DLD: variants seen among roughly 807,000 people sequenced by gnomAD.
DLD encodes the protein dihydrolipoyl dehydrogenase, mitochondrial.
Under a neutral mutation model 62.2 loss-of-function variants are expected in DLD, and 36 were observed. That is an observed-to-expected ratio of 0.58 (90% CI 0.44 to 0.76). The LOEUF is 0.76. DLD is among the 30% of genes least tolerant of loss of function. The pLI, the probability that DLD is intolerant of heterozygous loss-of-function variation, is 0.00. For synonymous variants in DLD, 204 were observed against 199.6 expected (o/e 1.02, Z -0.19); for missense variants, 541 against 608.6 (o/e 0.89, Z 1.17).
intron 2 of DLD, among the ~76,000 whole-genome samples, chr7:107,899,766 C>T (rs565230573): frequency 6.6e-6 from 1 of 151,138 alleles, no homozygotes; most frequent in Non-Finnish European, 1.5e-5. Context: ...ACAGTTCTCT[C>T]TGGGCTGTAT....
In DLD at chr7:107,893,062, C is replaced by T; in HGVS notation, c.40-138C>T. 5.2e-6 allele frequency: 3 copies of T among 580,858 alleles called. No homozygotes were observed. The South Asian group carries it at 7.4e-5, about 14-fold the overall frequency. 36.0% of individuals were successfully genotyped at this position (580,858 alleles called of 1,614,324 possible). On this transcript the variant is annotated intron_variant, in intron 1 of 13. Transcript: ENST00000205402. Reference sequence around the variant, plus strand: ...AAGAGGGGATATTGATCTGTAGCTTCTGTGTGGCAATGGAAGAAGATACAC... The same window carrying T: ...AAGAGGGGATATTGATCTGTAGCTTTTGTGTGGCAATGGAAGAAGATACAC...
chr7:107,894,497 A>T (rs568641963), intron 2 of DLD, among the ~76,000 whole-genome samples: 3 of 152,296 alleles, frequency 2.0e-5, no homozygotes, highest in South Asian at 2.1e-4. Flanking sequence ...AAATCCTTTT[A>T]AAAAAATGCT....
chr7:107,898,295 G>C (rs1212358321), intron 2 of DLD, among the ~76,000 whole-genome samples: 5 of 42,488 alleles, frequency 1.2e-4, no homozygotes, highest in Admixed American at 9.7e-4. Flanking sequence ...TTTTTTTTTT[G>C]AGACAGAGTT....
intron 2 of DLD, among the ~76,000 whole-genome samples, chr7:107,893,725 A>T (rs2031648203): frequency 6.6e-6 from 1 of 152,084 alleles, no homozygotes; most frequent in African/African-American, 2.4e-5. Context: ...TGTGAAGTTT[A>T]AGGAGTAATA....
At position 107,905,646 on chromosome 7, in the gene DLD, C is replaced by T. The variant is rs140163168; in HGVS notation, c.582+142C>T. ...TGGTCATTCAGCTTTGGGAAGTTAC[C>T]TGTCTTTATTCTGCAGTGATTCTGA... On this transcript the variant is annotated intron_variant, in intron 7 of 13. Transcript: ENST00000205402. 1.3e-4 allele frequency: 113 copies of T among 886,928 alleles called. 1 individual carries two copies. The African/African-American group carries it at 1.4e-3, about 11-fold the overall frequency. The allele number at this position is 886,928 out of a possible 1,614,324, so 54.9% of individuals were successfully genotyped here.
At position 107,920,290 on chromosome 7, in the gene DLD, G is replaced by A. The variant is rs2032379029; in HGVS notation, c.*1031G>A. 6.6e-6 allele frequency: 1 copy of A among 152,332 alleles called. No homozygotes were observed. Among genetic ancestry groups the A allele is most frequent in the African/African-American group, 2.4e-5 (1 of 41,448 alleles). The allele number at this position is 152,332 out of a possible 1,614,324, so 9.4% of individuals were successfully genotyped here. ...ATGGCCATGTCCTGAGGAAACTTAA[G>A]TAACAAAGTACTAAATGCTAAGTAG... is the stretch of plus-strand genomic sequence containing the variant. On this transcript the variant is annotated 3_prime_UTR_variant, in exon 14 of 14. Coordinates refer to ENST00000205402, the MANE Select transcript of DLD (RefSeq NM_000108.5).
chr7:107,913,831 C>T (rs922499234), intron 8 of DLD, among the ~76,000 whole-genome samples: 5 of 152,112 alleles, frequency 3.3e-5, no homozygotes, highest in African/African-American at 1.2e-4. Flanking sequence ...GAAAGGCTTT[C>T]AATTTTTTCC....
rs369208046 is a variant in DLD at position 107,905,355 on chromosome 7, G to C, written c.439-6G>C. 17 of 1,611,004 alleles carry C rather than the reference G, an allele frequency of 1.1e-5. No individual in the cohort carries two copies. The African/African-American group carries it at 1.6e-4, about 15-fold the overall frequency. On this transcript the variant is annotated splice_region_variant and splice_polypyrimidine_tract_variant and intron_variant, in intron 6 of 13. Transcript: ENST00000205402. The stretch of plus-strand genomic sequence containing the variant: ...TTTGTGAATTTATAAAGATTATTTT[G>C]TAAAGGTTGTTCATGTCAATGGATA...
At chr7:107,896,898 G>A (rs1000108310) in intron 2 of DLD, among the ~76,000 whole-genome samples, 5 of 151,420 alleles carry the variant, frequency 3.3e-5, no homozygotes, top group Non-Finnish European at 1.5e-5. Flanking sequence ...GTGCAGTGGC[G>A]TGATCTTGGC....
intron 8 of DLD, among the ~76,000 whole-genome samples, chr7:107,913,315 T>A (rs1043098681): frequency 2.6e-5 from 4 of 152,138 alleles, no homozygotes; most frequent in Admixed American, 6.6e-5. Flanking sequence ...ATTGAATCTG[T>A]AAATTACCTT....
chr7:107,891,182 CCTT>C lies in DLD; in HGVS notation c.-68_-66del. ...CCTGTGCATGCGCAGGGAGGGGAGA[CCTT>C]GGCGGAGCGGCGGAGGCGCCCAGCG... On this transcript the variant is annotated 5_prime_UTR_variant, in exon 1 of 14. Coordinates refer to ENST00000205402, the MANE Select transcript of DLD (RefSeq NM_000108.5). 1 of 1,592,974 alleles carries C rather than the reference CCTT, an allele frequency of 6.3e-7. No individual in the cohort carries two copies. Among genetic ancestry groups the C allele is most frequent in the Non-Finnish European group, 8.6e-7 (1 of 1,162,278 alleles).
In DLD at chr7:107,915,585, T is replaced by C. The variant is rs185710460; in HGVS notation, c.764T>C (p.Met255Thr). The change falls in exon 9 of 14, where the codon ATG (methionine) becomes ACG (threonine). Residue 255 changes from methionine to threonine, a missense_variant. Transcript: ENST00000205402. Reference protein sequence around the residue: ...LGHVGGVGIDMEISKNFQRIL... With the variant: ...LGHVGGVGIDTEISKNFQRIL... ...CATGTAGGTGGAGTTGGAATTGATA[T>C]GGAGATATCTAAAAACTTTCAACGC... The C allele has an allele frequency of 5.0e-5, 80 of 1,613,816 alleles. No individual in the cohort carries two copies. Among genetic ancestry groups the C allele is most frequent in the Middle Eastern group, 1.7e-4 (1 of 6,060 alleles).
intron 8 of DLD, among the ~76,000 whole-genome samples, chr7:107,910,938 TC>T (rs1378321948): frequency 6.6e-6 from 1 of 152,208 alleles, no homozygotes; most frequent in Non-Finnish European, 1.5e-5. Context: ...TTTACTTCTA[TC>T]CCAGTTTCCA....
chr7:107,904,904 C>A (rs1317406132), intron 5 of DLD, 54 bp from the exon 6 acceptor site: 2 of 1,308,716 alleles, frequency 1.5e-6, no homozygotes, highest in Non-Finnish European at 2.2e-6. Flanking sequence ...AAAAACACTG[C>A]ATATTGCTTC....
At chr7:107,893,088 T>A in intron 1 of DLD, 112 bp from the exon 2 acceptor site, 1 of 713,342 alleles carries the variant, frequency 1.4e-6, no homozygotes, top group Non-Finnish European at 2.4e-6. Context: ...GAAGATACAC[T>A]AATAATCCTC....
At position 107,893,183 on chromosome 7, in the gene DLD, A is replaced by C. The variant is rs765497717; in HGVS notation, c.40-17A>C. 6.2e-7 allele frequency: 1 copy of C among 1,605,630 alleles called. No homozygotes were observed. Among genetic ancestry groups the C allele is most frequent in the South Asian group, 1.1e-5 (1 of 90,674 alleles). ...TGAATTCATATCTTACATAATAGGG[A>C]CATTTTCTTTTTCTAGAGAGGCCAT... On this transcript the variant is annotated splice_polypyrimidine_tract_variant and intron_variant, in intron 1 of 13. Coordinates refer to ENST00000205402, the MANE Select transcript of DLD (RefSeq NM_000108.5).
intron 2 of DLD, among the ~76,000 whole-genome samples, chr7:107,899,779 C>T (rs1465139882): frequency 6.6e-6 from 1 of 151,070 alleles, no homozygotes; most frequent in African/African-American, 2.4e-5. Context: ...GGCTGTATGG[C>T]AATGTGGATG....
intron 5 of DLD, 29 bp downstream of exon 5, chr7:107,903,576 T>C (rs1173587389): frequency 8.9e-6 from 12 of 1,351,652 alleles, no homozygotes; most frequent in Non-Finnish European, 1.1e-5. Flanking sequence ...CTTAATGATA[T>C]TACCAGACTG....
chr7:107,920,353 G>C lies in DLD; in HGVS notation c.*1094G>C, dbSNP rs1051609649. The C allele has an allele frequency of 6.6e-6, 1 of 152,328 alleles. No individual in the cohort carries two copies. The highest frequency in any genetic ancestry group is 2.4e-5 in the African/African-American group (1 of 41,450). The allele number at this position is 152,328 out of a possible 1,614,324, so 9.4% of individuals were successfully genotyped here. On this transcript the variant is annotated 3_prime_UTR_variant, in exon 14 of 14. Transcript: ENST00000205402. Reference sequence around the variant, plus strand: ...TGTAACTAAATTTAAGAATAATTCAGATTAAGTAGTTCTGAAATTTGGTAT... The same window carrying C: ...TGTAACTAAATTTAAGAATAATTCACATTAAGTAGTTCTGAAATTTGGTAT...
Sources: allele counts gnomAD v4.1 joint callset (sites outside exome capture counted in the v4.1 genomes callset), GRCh38; gene constraint gnomAD v4.1.1; transcripts MANE v1.5; gene names NCBI Gene and HGNC (gene_info 2026-07-23, HGNC 2026-07-21).